The following PTPRE variants were observed in gnomAD, a reference collection of about 807,000 sequenced individuals.
PTPRE encodes the protein receptor-type tyrosine-protein phosphatase epsilon.
PTPRE carries 51 observed loss-of-function variants against 102.0 expected under a neutral mutation model. The observed-to-expected ratio is 0.50, with a 90% confidence interval of 0.40 to 0.63. The LOEUF (loss-of-function observed/expected upper bound fraction) is 0.63. PTPRE is among the 30% of genes least tolerant of loss of function. The probability of loss-of-function intolerance (pLI) is 0.00; values close to 1 mark genes in which losing one functional copy is unlikely to be tolerated. For synonymous variants in PTPRE, 345 were observed against 348.2 expected (o/e 0.99, Z 0.10); for missense variants, 752 against 915.1 (o/e 0.82, Z 2.30).
intron 2 of PTPRE, among the ~76,000 whole-genome samples, chr10:128,002,079 G>A (rs781499379): frequency 9.9e-5 from 15 of 152,202 alleles, no homozygotes; most frequent in African/African-American, 9.6e-5. Context: ...GATCCAGGCC[G>A]TGCCGAGGCA....
chr10:128,028,107 C>G lies in PTPRE; in HGVS notation c.-7-12768C>G, dbSNP rs1337940330. ...GAGCCCAGGACACTGATGGTGCAGA[C>G]CACTGGATTTCTGGAGAACACTGTA... On this transcript the variant is annotated intron_variant, in intron 2 of 20. Coordinates refer to ENST00000254667, the MANE Select transcript of PTPRE (RefSeq NM_006504.6). The surrounding 1 kb of genome is among the most constrained non-coding windows in gnomAD (Gnocchi z 4.5). Among the ~76,000 whole-genome samples the G allele has an allele frequency of 6.6e-6, 1 of 152,172 alleles. No homozygotes were observed. The highest frequency in any genetic ancestry group is 2.4e-5 in the African/African-American group (1 of 41,456).
At chr10:127,935,668 G>C (rs866506700) in intron 1 of PTPRE, among the ~76,000 whole-genome samples, 34 of 152,058 alleles carry the variant, frequency 2.2e-4, no homozygotes, top group African/African-American at 7.5e-4. Context: ...GACGCTTCCT[G>C]TTCCTTCCCA....
At position 127,940,573 on chromosome 10, in the gene PTPRE, CT is replaced by C. The variant is rs11301983; in HGVS notation, c.-31+33265del. Among the ~76,000 whole-genome samples, 1,090 of 152,294 alleles carry C rather than the reference CT, an allele frequency of 7.2e-3. 12 individuals carry two copies. Among genetic ancestry groups the C allele is most frequent in the African/African-American group, 0.025 (1,045 of 41,540 alleles). ...ACATTCCTTCCTTCATCAGGTGTTG[CT>C]GCACCTCTGCTGCTGGGCAGGCTTG... On this transcript the variant is annotated intron_variant, in intron 1 of 20. Coordinates refer to ENST00000254667, the MANE Select transcript of PTPRE (RefSeq NM_006504.6).
intron 11 of PTPRE, among the ~76,000 whole-genome samples, chr10:128,067,859 A>T (rs890081425): frequency 6.6e-6 from 1 of 152,110 alleles, no homozygotes; most frequent in East Asian, 1.9e-4. Context: ...AACTTTGGGG[A>T]TGTGTCTGGC....
At chr10:128,049,736 A>G in intron 6 of PTPRE, 70 bp downstream of exon 6, 2 of 1,597,344 alleles carry the variant, frequency 1.3e-6, no homozygotes, top group Non-Finnish European at 1.7e-6. Flanking sequence ...GTTAGAGTTC[A>G]GGATGAATTA....
chr10:127,956,819 AGAT>A (rs1453485590), intron 1 of PTPRE, among the ~76,000 whole-genome samples: 1 of 152,092 alleles, frequency 6.6e-6, no homozygotes, highest in African/African-American at 2.4e-5. Flanking sequence ...CCCTAAAGAC[AGAT>A]GATGATGAGC....
At chr10:128,043,506 C>G (rs1242450228) in intron 3 of PTPRE, among the ~76,000 whole-genome samples, 1 of 152,270 alleles carries the variant, frequency 6.6e-6, no homozygotes, top group Non-Finnish European at 1.5e-5. Context: ...CAGTTCCTAA[C>G]AGGCCACAGA....
intron 19 of PTPRE, among the ~76,000 whole-genome samples, chr10:128,078,543 C>G (rs1851426590): frequency 6.6e-6 from 1 of 152,194 alleles, no homozygotes; most frequent in African/African-American, 2.4e-5. Context: ...AACTGCAGTT[C>G]CATGGCTTGT....
In PTPRE at chr10:128,070,726, C is replaced by A; in HGVS notation, c.1294-82C>A. ...GTTTCCTTTGAGCAGGCGTCCTTGCCAGCAGCACTAGTCCTCGGCTGAGCA... is the reference window on the plus strand; with the variant it reads ...GTTTCCTTTGAGCAGGCGTCCTTGCAAGCAGCACTAGTCCTCGGCTGAGCA... On this transcript the variant is annotated intron_variant, in intron 14 of 20. Transcript: ENST00000254667. This position sits in a 1 kb window ranked among gnomAD's most constrained non-coding sequence, Gnocchi z 4.8. 6.9e-7 allele frequency: 1 copy of A among 1,452,038 alleles called. No individual in the cohort carries two copies. Among genetic ancestry groups the A allele is most frequent in the South Asian group, 1.2e-5 (1 of 82,602 alleles). 89.9% of individuals were successfully genotyped at this position (1,452,038 alleles called of 1,614,324 possible). A position where few individuals can be genotyped will look rare whatever the true frequency, so the allele number is the denominator to read the frequency against.
chr10:128,040,695 G>C (rs577402803), intron 2 of PTPRE, among the ~76,000 whole-genome samples, 180 bp from the exon 3 acceptor site: 9 of 152,178 alleles, frequency 5.9e-5, no homozygotes, highest in Non-Finnish European at 1.2e-4. Flanking sequence ...GTCAGTGACT[G>C]TATCCCCCTG....
chr10:127,971,573 C>G (rs150071931), intron 1 of PTPRE, among the ~76,000 whole-genome samples: 4 of 152,216 alleles, frequency 2.6e-5, no homozygotes, highest in Non-Finnish European at 4.4e-5. Context: ...ATTCCACTTC[C>G]TTTAGAGAAT....
chr10:128,041,257 T>G (rs1335787671), intron 3 of PTPRE, among the ~76,000 whole-genome samples: 1 of 151,736 alleles, frequency 6.6e-6, no homozygotes, highest in African/African-American at 2.4e-5. Context: ...GAGGCAGGAG[T>G]GCAAAAGGGT....
chr10:127,956,490 G>C (rs933835006), intron 1 of PTPRE, among the ~76,000 whole-genome samples: 6 of 152,182 alleles, frequency 3.9e-5, no homozygotes, highest in Admixed American at 3.3e-4. Flanking sequence ...AGACATCTTG[G>C]TTGCTTCCAA....
intron 1 of PTPRE, among the ~76,000 whole-genome samples, chr10:127,941,763 C>G (rs12413597): frequency 0.14 from 21,321 of 151,994 alleles, 1,639 homozygotes; most frequent in East Asian, 0.24. Flanking sequence ...CTCCCACCCC[C>G]TCCATCTCAC....
intron 2 of PTPRE, among the ~76,000 whole-genome samples, chr10:127,985,412 G>A (rs764072459): frequency 1.1e-4 from 17 of 152,056 alleles, no homozygotes; most frequent in Non-Finnish European, 1.5e-4. Context: ...GTGAAACCCC[G>A]TCTCTACTAA....
At chr10:128,007,911 TA>T (rs1334774372) in intron 2 of PTPRE, among the ~76,000 whole-genome samples, 2 of 152,178 alleles carry the variant, frequency 1.3e-5, no homozygotes, top group Non-Finnish European at 2.9e-5. Context: ...GTCTCTGAAA[TA>T]AGAGGGCACC....
chr10:128,015,516 G>A (rs1257275596), intron 2 of PTPRE, among the ~76,000 whole-genome samples: 4 of 150,826 alleles, frequency 2.7e-5, no homozygotes, highest in South Asian at 2.2e-4. Context: ...ACAGGCACCC[G>A]CCACCACACC....
At chr10:127,930,840 T>C (rs1847377588) in intron 1 of PTPRE, among the ~76,000 whole-genome samples, 1 of 151,686 alleles carries the variant, frequency 6.6e-6, no homozygotes. Flanking sequence ...GTTGCCAGGC[T>C]GGAGTGCAGT....
At chr10:127,917,614 A>G (rs770742878) in intron 1 of PTPRE, among the ~76,000 whole-genome samples, 1 of 152,218 alleles carries the variant, frequency 6.6e-6, no homozygotes, top group Non-Finnish European at 1.5e-5. Flanking sequence ...CGAGGCTGCC[A>G]TGATCATGCC....
Sources: gnomAD v4.1 joint callset for allele counts (sites outside exome capture counted in the v4.1 genomes callset) on GRCh38, gnomAD v4.1.1 for gene constraint, Gnocchi (gnomAD v3.1) non-coding constraint, MANE v1.5 for transcripts, NCBI Gene and HGNC (gene_info 2026-07-23, HGNC 2026-07-21) for gene names.